TMEM65: variants seen among roughly 807,000 people sequenced by gnomAD.
The protein encoded by TMEM65 is transmembrane protein 65.
TMEM65 carries 22 observed loss-of-function variants against 25.4 expected under a neutral mutation model. That is an observed-to-expected ratio of 0.86 (90% CI 0.62 to 1.23). TMEM65 has a LOEUF of 1.23. TMEM65 is among the 50% of genes most tolerant of loss of function. The pLI is 0.00. For missense variants in TMEM65, 262 were observed against 308.2 expected (o/e 0.85, Z 1.12); for synonymous variants, 132 against 126.2 (o/e 1.05, Z -0.31).
intron 1 of TMEM65, among the ~76,000 whole-genome samples, chr8:124,350,652 C>T (rs1231588741): frequency 6.6e-6 from 1 of 151,980 alleles, no homozygotes; most frequent in East Asian, 1.9e-4. Flanking sequence ...CTGAACATTT[C>T]CTGAAGTTTA....
chr8:124,369,668 T>G (rs927336389), intron 1 of TMEM65, among the ~76,000 whole-genome samples: 1 of 152,214 alleles, frequency 6.6e-6, no homozygotes, highest in Admixed American at 6.5e-5. Context: ...AATTGTTGAT[T>G]TCAGCAATGG....
intron 5 of TMEM65, among the ~76,000 whole-genome samples, chr8:124,320,585 T>C (rs551224705): frequency 8.2e-4 from 125 of 152,266 alleles, no homozygotes; most frequent in Non-Finnish European, 1.6e-3. Context: ...GCAAAGCACT[T>C]TAACATATGA....
At chr8:124,338,854 T>G (rs544938915) in intron 1 of TMEM65, among the ~76,000 whole-genome samples, 2 of 152,084 alleles carry the variant, frequency 1.3e-5, no homozygotes, top group Non-Finnish European at 2.9e-5. Flanking sequence ...CACAGTGAAT[T>G]GTAAGCTGAT....
chr8:124,354,280 T>C (rs1196543866), intron 1 of TMEM65, among the ~76,000 whole-genome samples: 1 of 152,238 alleles, frequency 6.6e-6, no homozygotes, highest in African/African-American at 2.4e-5. Context: ...AATTCTGATC[T>C]GAATCTTTTT....
chr8:124,343,611 C>T (rs1280417979), intron 1 of TMEM65, among the ~76,000 whole-genome samples: 1 of 152,110 alleles, frequency 6.6e-6, no homozygotes, highest in African/African-American at 2.4e-5. Context: ...ACTCTTCAGA[C>T]TGTATACCAA....
chr8:124,352,372 A>G (rs1450928362), intron 1 of TMEM65, among the ~76,000 whole-genome samples: 1 of 152,042 alleles, frequency 6.6e-6, no homozygotes, highest in East Asian at 1.9e-4. Flanking sequence ...AAAATTTAAT[A>G]TACATTTTTT....
chr8:124,328,133 A>G (rs944022717), intron 2 of TMEM65, among the ~76,000 whole-genome samples: 1 of 152,058 alleles, frequency 6.6e-6, no homozygotes, highest in Non-Finnish European at 1.5e-5. Context: ...TTAGAAGTGT[A>G]ACTAGGTCAC....
Position 124,312,332 on chromosome 8 carries a change from A to T in TMEM65, c.*1628T>A, listed in dbSNP as rs1015991863. 6.6e-6 allele frequency: 1 copy of T among 151,976 alleles called. No individual in the cohort carries two copies. The highest frequency in any genetic ancestry group is 1.5e-5 in the Non-Finnish European group (1 of 67,888). The allele number at this position is 151,976 out of a possible 1,614,324, so 9.4% of individuals were successfully genotyped here. On this transcript the variant is annotated 3_prime_UTR_variant, in exon 7 of 7. Transcript: ENST00000297632. The stretch of plus-strand genomic sequence containing the variant: ...TATTTATTTTTAGATTATATGCTAT[A>T]TTTTTATGCTTTCTCTCCTCAAAGT...
chr8:124,323,462 G>T, intron 3 of TMEM65, 87 bp from the exon 4 acceptor site: 1 of 673,866 alleles, frequency 1.5e-6, no homozygotes, highest in Non-Finnish European at 2.4e-6. Context: ...ACAGATACAA[G>T]TTAAATCAAC....
intron 1 of TMEM65, among the ~76,000 whole-genome samples, chr8:124,334,158 G>C (rs1814472965): frequency 6.6e-6 from 1 of 152,150 alleles, no homozygotes; most frequent in South Asian, 2.1e-4. Flanking sequence ...AGATGAACAA[G>C]ACAGAATCCA....
Position 124,372,170 on chromosome 8 carries a change from A to C in TMEM65, c.-13T>G. 4 of 1,227,214 alleles carry C rather than the reference A, an allele frequency of 3.3e-6. No homozygotes were observed. Among genetic ancestry groups the C allele is most frequent in the Non-Finnish European group, 3.1e-6 (3 of 976,490 alleles). The allele number at this position is 1,227,214 out of a possible 1,614,324, so 76.0% of individuals were successfully genotyped here. A position where few individuals can be genotyped will look rare whatever the true frequency, so the allele number is the denominator to read the frequency against. On this transcript the variant is annotated 5_prime_UTR_variant, in exon 1 of 7. Coordinates refer to ENST00000297632, the MANE Select transcript of TMEM65 (RefSeq NM_194291.3). The stretch of plus-strand genomic sequence containing the variant: ...GCAGCCGGGACATGGCGAGCTGAGG[A>C]GCTGGGACCCCCGCGGCCGTCCGGC...
At chr8:124,363,816 G>A (rs1336838838) in intron 1 of TMEM65, among the ~76,000 whole-genome samples, 9 of 127,756 alleles carry the variant, frequency 7.0e-5, no homozygotes, top group Non-Finnish European at 1.2e-4. Flanking sequence ...CAGCCAGGGC[G>A]ACAGAGCGAG....
intron 1 of TMEM65, among the ~76,000 whole-genome samples, chr8:124,362,143 C>T (rs1814874211): frequency 6.6e-6 from 1 of 151,900 alleles, no homozygotes; most frequent in Non-Finnish European, 1.5e-5. Flanking sequence ...CCACCCGCCT[C>T]GGCCTCCCAA....
intron 1 of TMEM65, among the ~76,000 whole-genome samples, chr8:124,337,042 AAT>A (rs1474668221): frequency 1.3e-5 from 2 of 151,862 alleles, no homozygotes; most frequent in African/African-American, 4.8e-5. Context: ...TTCCTTGAAA[AAT>A]ATAACCTACC....
At chr8:124,329,218 T>C (rs1327304878) in intron 2 of TMEM65, among the ~76,000 whole-genome samples, 1 of 151,910 alleles carries the variant, frequency 6.6e-6, no homozygotes, top group Non-Finnish European at 1.5e-5. Flanking sequence ...CTAGCCTTAG[T>C]TTTTTCACTT....
At chr8:124,342,333 T>C (rs1814591797) in intron 1 of TMEM65, among the ~76,000 whole-genome samples, 1 of 152,154 alleles carries the variant, frequency 6.6e-6, no homozygotes, top group Non-Finnish European at 1.5e-5. Context: ...ATCATACCAT[T>C]GGACTGAGTC....
chr8:124,327,489 GA>G, intron 2 of TMEM65, 68 bp from the exon 3 acceptor site: 1 of 1,048,166 alleles, frequency 9.5e-7, no homozygotes. Flanking sequence ...AAAAACAGAT[GA>G]TATGATCAAA....
At chr8:124,364,477 G>A (rs1289418513) in intron 1 of TMEM65, among the ~76,000 whole-genome samples, 1 of 152,166 alleles carries the variant, frequency 6.6e-6, no homozygotes, top group Non-Finnish European at 1.5e-5. Flanking sequence ...GTAATGATTA[G>A]CATGTCTACA....
At chr8:124,371,776 G>A in intron 1 of TMEM65, 78 bp downstream of exon 1, 2 of 1,390,126 alleles carry the variant, frequency 1.4e-6, no homozygotes, top group Non-Finnish European at 1.9e-6. Flanking sequence ...ATCCAGGGCC[G>A]CAGCGGGCTC....
Sources: allele counts gnomAD v4.1 joint callset (sites outside exome capture counted in the v4.1 genomes callset), GRCh38; gene constraint gnomAD v4.1.1; transcripts MANE v1.5; gene names NCBI Gene and HGNC (gene_info 2026-07-23, HGNC 2026-07-21).